The following TENM2 variants were observed in gnomAD, a reference collection of about 807,000 sequenced individuals.
TENM2 encodes the protein teneurin-2.
A neutral mutation model predicts 245.2 loss-of-function variants in TENM2; 52 were observed. That is an observed-to-expected ratio of 0.21 (90% CI 0.17 to 0.27). The LOEUF is 0.27. Ranked by LOEUF, TENM2 falls within the 10% of genes least tolerant of loss-of-function variation. The pLI, the probability that TENM2 is intolerant of heterozygous loss-of-function variation, is 1.00. For missense variants in TENM2, 3,046 were observed against 3,666.8 expected (o/e 0.83, Z 4.37); for synonymous variants, 1,363 against 1,438.9 (o/e 0.95, Z 1.19).
chr5:167,971,114 T>C (rs1215844540), intron 4 of TENM2, among the ~76,000 whole-genome samples: 1 of 152,074 alleles, frequency 6.6e-6, no homozygotes, highest in Non-Finnish European at 1.5e-5. Context: ...GAGCGAAGTA[T>C]AGCATTCTTC....
intron 1 of TENM2, among the ~76,000 whole-genome samples, chr5:167,299,310 A>G (rs899980463): frequency 1.3e-5 from 2 of 152,188 alleles, no homozygotes; most frequent in Admixed American, 6.5e-5. Flanking sequence ...TGACAGAAGG[A>G]AAGAAATGAC....
chr5:167,020,326 A>G, the TENM2 span, among the ~76,000 whole-genome samples: 8 of 152,214 alleles, frequency 5.3e-5, no homozygotes, highest in African/African-American at 1.9e-4. Context: ...TAGAATATTA[A>G]GAATGCTAGG....
rs1038620712 is a variant in TENM2, at chr5:167,344,193, CACAT to C, written c.227-31003_227-31000del. 1.8e-3 allele frequency among the ~76,000 whole-genome samples: 261 copies of C among 148,734 alleles called. 1 individual carries two copies. The highest frequency in any genetic ancestry group is 6.1e-3 in the African/African-American group (250 of 40,738). On this transcript the variant is annotated intron_variant, in intron 1 of 28. Transcript: ENST00000518659. The stretch of plus-strand genomic sequence containing the variant: ...ATATATAAAGTAGAGAATACACACA[CACAT>C]ATTGCAGAGATATGAAACTGACTGC...
At chr5:167,668,462 C>G (rs1755715262) in intron 2 of TENM2, among the ~76,000 whole-genome samples, 1 of 152,170 alleles carries the variant, frequency 6.6e-6, no homozygotes, top group Non-Finnish European at 1.5e-5. Flanking sequence ...CCTTGGGTCA[C>G]TCCCTGTTTG....
At chr5:167,266,121 T>A in the TENM2 span, among the ~76,000 whole-genome samples, 3 of 152,196 alleles carry the variant, frequency 2.0e-5, no homozygotes, top group African/African-American at 7.2e-5. Flanking sequence ...CAATTGAGCC[T>A]CTTCTTTCGG....
chr5:167,553,303 G>A (rs1187846284), intron 2 of TENM2, among the ~76,000 whole-genome samples: 1 of 152,226 alleles, frequency 6.6e-6, no homozygotes, highest in Non-Finnish European at 1.5e-5. Flanking sequence ...GTCAGGAACA[G>A]AGGGCTGGGA....
chr5:167,768,079 C>T (rs142288013), intron 2 of TENM2, among the ~76,000 whole-genome samples: 5 of 152,272 alleles, frequency 3.3e-5, no homozygotes, highest in East Asian at 1.9e-4. Context: ...ATTAGTAATG[C>T]GCGTCTTCCA....
the TENM2 span, among the ~76,000 whole-genome samples, chr5:167,264,029 C>T: frequency 6.7e-6 from 1 of 150,278 alleles, no homozygotes. Flanking sequence ...TGCTTGAACT[C>T]GGGAGGTGGA....
At chr5:167,434,315 G>T (rs551431562) in intron 2 of TENM2, among the ~76,000 whole-genome samples, 1 of 150,092 alleles carries the variant, frequency 6.7e-6, no homozygotes, top group Admixed American at 6.7e-5. Context: ...TCAGGAGGCT[G>T]AGGTAGGAGA....
intron 2 of TENM2, among the ~76,000 whole-genome samples, chr5:167,543,549 C>G (rs1052188581): frequency 1.3e-5 from 2 of 152,120 alleles, no homozygotes; most frequent in African/African-American, 4.8e-5. Flanking sequence ...AAGGATTTTT[C>G]TCTTCTTTGC....
chr5:167,272,137 C>T, the TENM2 span, among the ~76,000 whole-genome samples: 1 of 152,168 alleles, frequency 6.6e-6, no homozygotes, highest in Admixed American at 6.6e-5. Flanking sequence ...AGACAGACTC[C>T]AGCTTCATCC....
the TENM2 span, among the ~76,000 whole-genome samples, chr5:167,179,828 C>A: frequency 6.6e-6 from 1 of 152,130 alleles, no homozygotes; most frequent in Non-Finnish European, 1.5e-5. Flanking sequence ...GTGGTTTGGG[C>A]ACAGTCTTGG....
chr5:167,316,146 CTTAT>C (rs1756352152), intron 1 of TENM2, among the ~76,000 whole-genome samples: 1 of 152,110 alleles, frequency 6.6e-6, no homozygotes, highest in Non-Finnish European at 1.5e-5. Context: ...TGCTTATTTG[CTTAT>C]TTATTTACTC....
intron 2 of TENM2, among the ~76,000 whole-genome samples, chr5:167,578,276 G>A (rs1341219426): frequency 6.6e-6 from 1 of 152,194 alleles, no homozygotes; most frequent in Non-Finnish European, 1.5e-5. Context: ...GCTACCAGTA[G>A]CCTATATCTT....
chr5:168,240,849 A>G (rs1234369721), intron 25 of TENM2: 1 of 152,188 alleles, frequency 6.6e-6, no homozygotes, highest in Non-Finnish European at 1.5e-5. Context: ...TCATTGTTGC[A>G]TCATTCATTC....
the TENM2 span, among the ~76,000 whole-genome samples, chr5:167,017,208 C>T: frequency 6.6e-6 from 1 of 152,174 alleles, no homozygotes; most frequent in Non-Finnish European, 1.5e-5. Flanking sequence ...CTTATAACTG[C>T]TTATTGGTGG....
At chr5:167,988,910 T>A (rs1230712094) in intron 4 of TENM2, among the ~76,000 whole-genome samples, 1 of 152,228 alleles carries the variant, frequency 6.6e-6, no homozygotes. Flanking sequence ...ATGCAAGATA[T>A]AATCATATCC....
At position 167,563,837 on chromosome 5, in the gene TENM2, G is replaced by A. The variant is rs970385790; in HGVS notation, c.502+188364G>A. ...ATTCAGGACAGTAACATGCTGTACC[G>A]GTTTGAAGCCTGGTAGCAACAGGCT... On this transcript the variant is annotated intron_variant, in intron 2 of 28. Coordinates refer to ENST00000518659, the Ensembl canonical transcript of TENM2. Among the ~76,000 whole-genome samples, 17 of 152,150 alleles carry A rather than the reference G, an allele frequency of 1.1e-4. 1 individual carries two copies. The highest frequency in any genetic ancestry group is 1.9e-4 in the East Asian group (1 of 5,190).
At chr5:168,260,250 T>C in intron 27 of TENM2, 33 bp from the exon 30 acceptor site, 1 of 1,612,666 alleles carries the variant, frequency 6.2e-7, no homozygotes, top group Non-Finnish European at 8.5e-7. Flanking sequence ...CCATCATGAT[T>C]TCAGAAACCT....
Sources: allele counts gnomAD v4.1 joint callset (sites outside exome capture counted in the v4.1 genomes callset), GRCh38; gene constraint gnomAD v4.1.1; transcripts MANE v1.5; gene names NCBI Gene and HGNC (gene_info 2026-07-23, HGNC 2026-07-21).